The following DYRK1A variants were observed in gnomAD, a reference collection of about 807,000 sequenced individuals.
DYRK1A encodes the protein dual specificity tyrosine phosphorylation regulated kinase 1A.
DYRK1A carries 9 observed loss-of-function variants against 79.7 expected under a neutral mutation model. The observed-to-expected ratio is 0.11, with a 90% CI of 0.07 to 0.20. The LOEUF is 0.20. DYRK1A is among the 10% of genes least tolerant of loss of function. DYRK1A has a pLI of 1.00. For synonymous variants in DYRK1A, 349 were observed against 329.7 expected, an observed-to-expected ratio of 1.06 and a Z score of -0.63; for missense variants, 622 against 956.0, an observed-to-expected ratio of 0.65 and a Z score of 4.61.
intron 1 of DYRK1A, among the ~76,000 whole-genome samples, chr21:37,371,774 GT>G (rs2049435234): frequency 6.6e-6 from 1 of 151,866 alleles, no homozygotes; most frequent in African/African-American, 2.4e-5. Flanking sequence ...AGAAAAGTTT[GT>G]TTTAATTGAT....
chr21:37,466,743 A>G (rs879703073), intron 2 of DYRK1A, among the ~76,000 whole-genome samples: 22 of 152,126 alleles, frequency 1.4e-4, no homozygotes, highest in Non-Finnish European at 3.1e-4. Context: ...TAACACTTTA[A>G]GTAGGAGATT....
At chr21:37,448,339 C>T (rs1752341323) in intron 2 of DYRK1A, among the ~76,000 whole-genome samples, 1 of 151,972 alleles carries the variant, frequency 6.6e-6, no homozygotes, top group Non-Finnish European at 1.5e-5. Context: ...TTTTTAAAAA[C>T]TCTTGTTCTG....
chr21:37,371,707 G>C (rs1466247048), intron 1 of DYRK1A, among the ~76,000 whole-genome samples: 1 of 152,084 alleles, frequency 6.6e-6, no homozygotes, highest in Admixed American at 6.5e-5. Context: ...GTGAGTAATA[G>C]CTTAAAATGT....
chr21:37,399,408 G>A (rs1250357512), intron 1 of DYRK1A, among the ~76,000 whole-genome samples: 3 of 152,100 alleles, frequency 2.0e-5, no homozygotes, highest in Admixed American at 2.0e-4. Flanking sequence ...GAGGATGCAG[G>A]CAGGGAAAGA....
intron 1 of DYRK1A, among the ~76,000 whole-genome samples, chr21:37,391,260 A>G (rs2148386753): frequency 6.6e-6 from 1 of 152,208 alleles, no homozygotes; most frequent in South Asian, 2.1e-4. Flanking sequence ...GCATGTCCTG[A>G]GCCTCCTGTT....
At chr21:37,448,577 A>G (rs1005508477) in intron 2 of DYRK1A, among the ~76,000 whole-genome samples, 4 of 152,248 alleles carry the variant, frequency 2.6e-5, no homozygotes, top group South Asian at 2.1e-4. Flanking sequence ...TATTATAGGT[A>G]TGATTTATAT....
chr21:37,446,430 G>A (rs1276977741), intron 2 of DYRK1A, among the ~76,000 whole-genome samples: 1 of 152,038 alleles, frequency 6.6e-6, no homozygotes, highest in Non-Finnish European at 1.5e-5. Context: ...GGCCTACTAA[G>A]GTCTGTGGGG....
At chr21:37,499,894 G>C (rs1402785479) in intron 9 of DYRK1A, among the ~76,000 whole-genome samples, 1 of 152,104 alleles carries the variant, frequency 6.6e-6, no homozygotes, top group Non-Finnish European at 1.5e-5. Flanking sequence ...GTATCTGAAG[G>C]TTCCACATCT....
intron 1 of DYRK1A, among the ~76,000 whole-genome samples, chr21:37,418,160 G>T (rs1441679898): frequency 6.6e-6 from 1 of 152,074 alleles, no homozygotes. Flanking sequence ...CTAGCCTGAA[G>T]GAAGGATATA....
chr21:37,443,320 G>A (rs2051166309), intron 2 of DYRK1A, among the ~76,000 whole-genome samples: 2 of 152,150 alleles, frequency 1.3e-5, no homozygotes, highest in Middle Eastern at 3.4e-3. Flanking sequence ...GTACCTGTTT[G>A]GGTCCATTTC....
intron 2 of DYRK1A, among the ~76,000 whole-genome samples, chr21:37,451,693 G>A (rs957932366): frequency 6.6e-6 from 1 of 152,008 alleles, no homozygotes; most frequent in Non-Finnish European, 1.5e-5. Context: ...ACTGTCTAGC[G>A]TGGGCGTGCA....
intron 2 of DYRK1A, among the ~76,000 whole-genome samples, chr21:37,435,304 T>C (rs1012711765): frequency 1.3e-5 from 2 of 152,170 alleles, no homozygotes; most frequent in Non-Finnish European, 2.9e-5. Context: ...GGTGTCGGTT[T>C]AGTGGTAGGC....
intron 2 of DYRK1A, among the ~76,000 whole-genome samples, chr21:37,471,275 G>A (rs529381947): frequency 6.6e-6 from 1 of 152,316 alleles, no homozygotes; most frequent in South Asian, 2.1e-4. Context: ...GCAGCTGTAA[G>A]GGAAGAACTC....
At chr21:37,450,191 C>G (rs766043890) in intron 2 of DYRK1A, among the ~76,000 whole-genome samples, 2 of 152,144 alleles carry the variant, frequency 1.3e-5, no homozygotes, top group Non-Finnish European at 2.9e-5. Context: ...TGGTCACTAG[C>G]AAAGCCCTGG....
chr21:37,475,633 A>G (rs2052368997), intron 3 of DYRK1A, among the ~76,000 whole-genome samples: 1 of 152,228 alleles, frequency 6.6e-6, no homozygotes, highest in South Asian at 2.1e-4. Context: ...GAAGCATGAA[A>G]TATAAACAGC....
At chr21:37,488,129 G>A (rs2052939544) in intron 6 of DYRK1A, 1 of 154,612 alleles carries the variant, frequency 6.5e-6, no homozygotes, top group East Asian at 1.9e-4. Context: ...TAGCTACTCA[G>A]TTATGTATAA....
chr21:37,448,318 T>A (rs1383349673), intron 2 of DYRK1A, among the ~76,000 whole-genome samples: 7 of 152,154 alleles, frequency 4.6e-5, no homozygotes, highest in Non-Finnish European at 1.0e-4. Context: ...TATTTTAAAT[T>A]TTTACAATTT....
At chr21:37,424,621 A>C (rs185025134) in intron 2 of DYRK1A, among the ~76,000 whole-genome samples, 1 of 152,202 alleles carries the variant, frequency 6.6e-6, no homozygotes, top group African/African-American at 2.4e-5. Flanking sequence ...ACTTGGAGCA[A>C]ATCCAGGGTA....
intron 2 of DYRK1A, among the ~76,000 whole-genome samples, chr21:37,453,939 A>G (rs1187077654): frequency 6.6e-6 from 1 of 152,160 alleles, no homozygotes; most frequent in Non-Finnish European, 1.5e-5. Context: ...TCTGATTTTT[A>G]GCATTATTAT....
Sources: allele counts gnomAD v4.1 joint callset (sites outside exome capture counted in the v4.1 genomes callset), GRCh38; gene constraint gnomAD v4.1.1; transcripts MANE v1.5; gene names NCBI Gene and HGNC (gene_info 2026-07-23, HGNC 2026-07-21).